The following PDCL2 variants were observed in gnomAD, a reference collection of about 807,000 sequenced individuals.
PDCL2 encodes the protein phosducin like 2.
PDCL2 carries 23 observed loss-of-function variants against 30.3 expected under a neutral mutation model. That is an observed-to-expected ratio of 0.76 (90% CI 0.55 to 1.08). PDCL2 has a LOEUF of 1.08. Among genes scored for constraint, PDCL2 ranks in the 50% least tolerant of loss-of-function variants. The pLI, the probability that PDCL2 is intolerant of heterozygous loss-of-function variation, is 0.00. For missense variants in PDCL2, 243 were observed against 282.3 expected (o/e 0.86, Z 1.00); for synonymous variants, 68 against 86.2 (o/e 0.79, Z 1.17).
At chr4:55,588,201 C>T (rs1732909779) in intron 1 of PDCL2, among the ~76,000 whole-genome samples, 1 of 152,184 alleles carries the variant, frequency 6.6e-6, no homozygotes. Context: ...GCTACAAAGA[C>T]ACAAGCTACA....
At chr4:55,569,486 C>G (rs1732364901) in intron 4 of PDCL2, among the ~76,000 whole-genome samples, 2 of 152,048 alleles carry the variant, frequency 1.3e-5, no homozygotes, top group African/African-American at 4.8e-5. Flanking sequence ...CCAAAGAGTG[C>G]TTATTTTTCT....
intron 1 of PDCL2, among the ~76,000 whole-genome samples, chr4:55,589,874 GTGAC>G (rs1475225687): frequency 4.6e-5 from 7 of 151,984 alleles, no homozygotes; most frequent in Non-Finnish European, 8.8e-5. Context: ...TTATGGGGAG[GTGAC>G]CAGGAAAAGC....
chr4:55,589,817 T>C (rs777297834), intron 1 of PDCL2, among the ~76,000 whole-genome samples: 15 of 152,202 alleles, frequency 9.9e-5, no homozygotes, highest in African/African-American at 2.6e-4. Context: ...CAGGCTTAAA[T>C]ACCATGTTTC....
chr4:55,562,716 A>C, intron 4 of PDCL2, 104 bp from the exon 5 acceptor site: 1 of 699,578 alleles, frequency 1.4e-6, no homozygotes, highest in Non-Finnish European at 2.2e-6. Flanking sequence ...TCTTAGATTA[A>C]TATAAAAGCA....
intron 5 of PDCL2, among the ~76,000 whole-genome samples, chr4:55,558,006 A>G (rs1732020030): frequency 6.6e-6 from 1 of 151,374 alleles, no homozygotes; most frequent in Admixed American, 6.6e-5. Context: ...CTGTAATCCC[A>G]GCTACTCAGG....
chr4:55,582,002 C>T (rs1732728125), intron 2 of PDCL2, 115 bp downstream of exon 2: 2 of 1,404,018 alleles, frequency 1.4e-6, no homozygotes, highest in Admixed American at 4.8e-5. Flanking sequence ...CCACCATGCC[C>T]AGCCTATACT....
At chr4:55,590,013 A>G (rs1042155115) in intron 1 of PDCL2, among the ~76,000 whole-genome samples, 3 of 151,772 alleles carry the variant, frequency 2.0e-5, no homozygotes, top group Non-Finnish European at 2.9e-5. Flanking sequence ...CCTGGCCAAC[A>G]TGGTGAAACC....
chr4:55,557,442 C>T (rs960773132), intron 5 of PDCL2, among the ~76,000 whole-genome samples: 1 of 152,100 alleles, frequency 6.6e-6, no homozygotes, highest in African/African-American at 2.4e-5. Flanking sequence ...CAAGACAGGG[C>T]TGAACTCACT....
chr4:55,565,983 T>TG (rs1349078829), intron 4 of PDCL2, among the ~76,000 whole-genome samples: 4 of 130,858 alleles, frequency 3.1e-5, no homozygotes, highest in African/African-American at 6.4e-5. Context: ...GTTTTTTTTT[T>TG]TTTTTTTTTT....
In PDCL2 at chr4:55,562,427, C is replaced by T. The variant is rs1732156792; in HGVS notation, c.548G>A (p.Gly183Glu). ...ACCTTCCAGCTTGAGATTTATCCCT[C>T]CACATTCTATAATTCCAATGAATTT... ...EAKFIGIIEC[G>E]GINLKLEELE... Residue 183 changes from glycine (G) to glutamate (E), a missense_variant, in exon 5 of 6, where the codon GGA (glycine) becomes GAA (glutamate). Physicochemically the swap from Gly to Glu is moderately conservative, Grantham distance 98. Coordinates refer to ENST00000295645, the MANE Select transcript of PDCL2 (RefSeq NM_152401.3). 1.4e-6 allele frequency: 2 copies of T among 1,451,684 alleles called. No individual in the cohort carries two copies. Among genetic ancestry groups the T allele is most frequent in the Non-Finnish European group, 9.1e-7 (1 of 1,097,860 alleles). 89.9% of individuals were successfully genotyped at this position (1,451,684 alleles called of 1,614,324 possible).
intron 5 of PDCL2, among the ~76,000 whole-genome samples, chr4:55,560,378 G>A (rs1489374938): frequency 6.6e-6 from 1 of 152,192 alleles, no homozygotes; most frequent in Non-Finnish European, 1.5e-5. Context: ...GGAGTCAAAT[G>A]CGGGAGGATC....
At chr4:55,572,086 A>ATT (rs10680457) in intron 3 of PDCL2, among the ~76,000 whole-genome samples, 114,585 of 151,704 alleles carry the variant, frequency 0.76, 43,648 homozygotes, top group East Asian at 0.9. Context: ...CCTCCTTCTC[A>ATT]TTTCTCTGTT....
At chr4:55,583,164 T>C (rs1732772202) in intron 1 of PDCL2, among the ~76,000 whole-genome samples, 1 of 152,088 alleles carries the variant, frequency 6.6e-6, no homozygotes, top group Non-Finnish European at 1.5e-5. Context: ...TTACAGGGTT[T>C]CCCCATGTTG....
At chr4:55,588,234 A>G (rs142895077) in intron 1 of PDCL2, among the ~76,000 whole-genome samples, 293 of 152,342 alleles carry the variant, frequency 1.9e-3, no homozygotes, top group Non-Finnish European at 3.8e-3. Flanking sequence ...AATTTGCCCA[A>G]AAGGAAATTC....
At chr4:55,573,042 G>A (rs1208009141) in intron 3 of PDCL2, among the ~76,000 whole-genome samples, 1 of 152,168 alleles carries the variant, frequency 6.6e-6, no homozygotes, top group African/African-American at 2.4e-5. Context: ...ACAGGCATGA[G>A]CCACCGCGCC....
intron 5 of PDCL2, among the ~76,000 whole-genome samples, chr4:55,557,197 G>A (rs748194855): frequency 1.3e-5 from 2 of 152,188 alleles, no homozygotes; most frequent in African/African-American, 2.4e-5. Context: ...ATACACATTG[G>A]ATACAGCAAA....
chr4:55,566,058 G>T (rs1560499917), intron 4 of PDCL2, among the ~76,000 whole-genome samples: 1 of 123,658 alleles, frequency 8.1e-6, no homozygotes. Context: ...TCAGCTCACT[G>T]CAGAGCTGCC....
intron 1 of PDCL2, among the ~76,000 whole-genome samples, chr4:55,585,639 T>G (rs1321103293): frequency 1.3e-5 from 2 of 152,206 alleles, no homozygotes; most frequent in African/African-American, 4.8e-5. Context: ...CCTTGAAATG[T>G]TTGGTCAAAT....
intron 3 of PDCL2, among the ~76,000 whole-genome samples, chr4:55,578,656 A>C (rs1218235670): frequency 1.3e-5 from 2 of 151,952 alleles, no homozygotes; most frequent in Non-Finnish European, 2.9e-5. Context: ...AAAGTTATGC[A>C]TTACTGAAAA....
Sources: allele counts gnomAD v4.1 joint callset (sites outside exome capture counted in the v4.1 genomes callset), GRCh38; gene constraint gnomAD v4.1.1; transcripts MANE v1.5; gene names NCBI Gene and HGNC (gene_info 2026-07-23, HGNC 2026-07-21).